The following SORCS1 variants were observed in gnomAD, a reference collection of about 807,000 sequenced individuals.
The protein encoded by SORCS1 is VPS10 domain-containing receptor SorCS1.
SORCS1 carries 60 observed loss-of-function variants against 146.1 expected under a neutral mutation model. The ratio of observed to expected loss-of-function variants is 0.41; its 90% CI spans 0.33 to 0.51. The LOEUF (loss-of-function observed/expected upper bound fraction) is 0.51, where lower values mean the gene tolerates loss of function less well. SORCS1 is among the 20% of genes least tolerant of loss of function. SORCS1 has a pLI of 0.21. For missense variants in SORCS1, 1,352 were observed against 1,487.6 expected, an observed-to-expected ratio of 0.91 and a Z score of 1.50; for synonymous variants, 637 against 584.0, an observed-to-expected ratio of 1.09 and a Z score of -1.31.
chr10:106,834,366 A>C (rs1483153547), intron 2 of SORCS1, among the ~76,000 whole-genome samples: 1 of 152,232 alleles, frequency 6.6e-6, no homozygotes, highest in Non-Finnish European at 1.5e-5. Flanking sequence ...GGCAACATTT[A>C]ATGTTCCTTT....
intron 18 of SORCS1, among the ~76,000 whole-genome samples, chr10:106,647,269 A>T (rs1424129471): frequency 3.3e-5 from 5 of 151,810 alleles, no homozygotes; most frequent in African/African-American, 9.7e-5. Context: ...CCCTCCATTC[A>T]TTCAGGTATT....
intron 1 of SORCS1, among the ~76,000 whole-genome samples, chr10:107,051,218 C>T (rs1012772824): frequency 6.6e-6 from 1 of 152,076 alleles, no homozygotes; most frequent in African/African-American, 2.4e-5. Flanking sequence ...CAGACAGCCA[C>T]GTGTTATGAG....
At chr10:106,856,791 T>G (rs1475479399) in intron 2 of SORCS1, among the ~76,000 whole-genome samples, 1 of 152,214 alleles carries the variant, frequency 6.6e-6, no homozygotes, top group African/African-American at 2.4e-5. Flanking sequence ...TTTAAGTTTT[T>G]GTAACTTAGC....
At chr10:107,070,157 A>G (rs568981653) in intron 1 of SORCS1, among the ~76,000 whole-genome samples, 1 of 152,300 alleles carries the variant, frequency 6.6e-6, no homozygotes, top group Admixed American at 6.5e-5. Flanking sequence ...ATGTATCAAT[A>G]CTTCATTTTT....
intron 1 of SORCS1, among the ~76,000 whole-genome samples, chr10:106,972,346 A>G (rs1589824380): frequency 7.0e-6 from 1 of 143,158 alleles, no homozygotes; most frequent in Admixed American, 7.5e-5. Flanking sequence ...GCACCACTAC[A>G]CTCCAGCCTG....
intron 1 of SORCS1, among the ~76,000 whole-genome samples, chr10:107,131,813 C>G (rs1022107393): frequency 1.3e-5 from 2 of 152,160 alleles, no homozygotes; most frequent in African/African-American, 4.8e-5. Flanking sequence ...TGACAAAAAT[C>G]CTCTGTGACT....
chr10:106,579,401 C>G lies in SORCS1; in HGVS notation c.3339G>C (p.Gly1113=). The G allele has an allele frequency of 6.2e-7, 1 of 1,613,970 alleles. No individual in the cohort carries two copies. The highest frequency in any genetic ancestry group is 8.5e-7 in the Non-Finnish European group (1 of 1,179,998). Residue 1113 remains glycine (G), a synonymous_variant, in exon 25 of 26, where the codon GGG becomes GGC. Transcript: ENST00000263054. ...ACTTGTAGATGACGAACACTGCCAGCCCCACAAACACCACTGAGAGCAGCA... is the reference window on the plus strand; with the variant it reads ...ACTTGTAGATGACGAACACTGCCAGGCCCACAAACACCACTGAGAGCAGCA... The part of the protein sequence containing the change: ...MLMLLSVVFV[G]LAVFVIYKFK...
intron 1 of SORCS1, among the ~76,000 whole-genome samples, chr10:107,098,434 A>G (rs1964681104): frequency 1.3e-5 from 2 of 152,206 alleles, no homozygotes; most frequent in South Asian, 4.1e-4. Context: ...TATTGCCTAA[A>G]TCAATAATTG....
chr10:106,741,250 T>G (rs1003821200), intron 5 of SORCS1, among the ~76,000 whole-genome samples: 2 of 151,296 alleles, frequency 1.3e-5, no homozygotes, highest in Non-Finnish European at 2.9e-5. Flanking sequence ...TACCCCTTAG[T>G]GTCTGAGGCA....
intron 1 of SORCS1, among the ~76,000 whole-genome samples, chr10:106,968,690 T>C (rs894686351): frequency 2.6e-5 from 4 of 152,208 alleles, no homozygotes; most frequent in African/African-American, 9.6e-5. Context: ...GTGTTCCAAG[T>C]GTCAGAACAT....
intron 4 of SORCS1, among the ~76,000 whole-genome samples, chr10:106,763,253 C>T (rs996425275): frequency 2.6e-5 from 4 of 152,106 alleles, no homozygotes; most frequent in Admixed American, 2.6e-4. Context: ...TTCCTGCTCC[C>T]ACAGAGAATT....
At chr10:107,084,085 GTTTTTTGTTTTTTTT>G (rs1471286043) in intron 1 of SORCS1, among the ~76,000 whole-genome samples, 2 of 124,328 alleles carry the variant, frequency 1.6e-5, no homozygotes, top group Non-Finnish European at 3.4e-5. Flanking sequence ...TATTTTTGTT[GTTTTTTGTTTTTTTT>G]TTTTTTTTTT....
intron 24 of SORCS1, 91 bp downstream of exon 24, chr10:106,597,260 T>A (rs1306656729): frequency 1.0e-6 from 1 of 997,144 alleles, no homozygotes; most frequent in Non-Finnish European, 1.6e-6. Context: ...TTAGCATTGT[T>A]ACCATCTAGC....
At chr10:107,083,225 C>G (rs1328552319) in intron 1 of SORCS1, among the ~76,000 whole-genome samples, 1 of 151,778 alleles carries the variant, frequency 6.6e-6, no homozygotes, top group East Asian at 1.9e-4. Context: ...TCTCTTCTGG[C>G]TCATTGCCTC....
upstream of SORCS1, among the ~76,000 whole-genome samples, chr10:107,168,941 C>A (rs1477038092): frequency 2.0e-5 from 3 of 152,058 alleles, no homozygotes; most frequent in Non-Finnish European, 4.4e-5. Context: ...GCTGAGCAAG[C>A]AATTTTGGGA....
chr10:106,947,970 T>C (rs1954442777), intron 2 of SORCS1, among the ~76,000 whole-genome samples: 2 of 152,334 alleles, frequency 1.3e-5, no homozygotes, highest in Non-Finnish European at 1.5e-5. Context: ...AAGCATGCAG[T>C]TGTTTAATTC....
intron 4 of SORCS1, among the ~76,000 whole-genome samples, chr10:106,766,402 C>A (rs1468739477): frequency 6.6e-6 from 1 of 152,114 alleles, no homozygotes. Context: ...ACCTTAAGGA[C>A]TTCATATAAA....
intron 1 of SORCS1, 81 bp downstream of exon 1, chr10:107,163,888 C>A (rs985729493): frequency 4.1e-6 from 6 of 1,465,696 alleles, no homozygotes; most frequent in African/African-American, 1.4e-5. Context: ...CTATTTCCCC[C>A]CAATTCTCCA....
At chr10:106,641,222 TTTGGAGGAATTGTGTTA>T (rs1849051303) in intron 18 of SORCS1, among the ~76,000 whole-genome samples, 1 of 152,126 alleles carries the variant, frequency 6.6e-6, no homozygotes, top group Admixed American at 6.6e-5. Context: ...GTTGTGGGAT[TTTGGAGGAATTGTGTTA>T]TGGAGGTATT....
Sources: gnomAD v4.1 joint callset for allele counts (sites outside exome capture counted in the v4.1 genomes callset) on GRCh38, gnomAD v4.1.1 for gene constraint, MANE v1.5 for transcripts, NCBI Gene and HGNC (gene_info 2026-07-23, HGNC 2026-07-21) for gene names.